The following PIK3R4 variants were observed in gnomAD, a reference collection of about 807,000 sequenced individuals.
PIK3R4 encodes phosphoinositide 3-kinase regulatory subunit 4.
A neutral mutation model predicts 136.5 loss-of-function variants in PIK3R4; 46 were observed. The observed-to-expected ratio is 0.34, with a 90% CI of 0.27 to 0.43. The LOEUF is 0.43. Among genes scored for constraint, PIK3R4 ranks in the 20% least tolerant of loss-of-function variants. The pLI, the probability that PIK3R4 is intolerant of heterozygous loss-of-function variation, is 1.00. For synonymous variants in PIK3R4, 557 were observed against 566.7 expected, an observed-to-expected ratio of 0.98 and a Z score of 0.24; for missense variants, 1,331 against 1,649.5, an observed-to-expected ratio of 0.81 and a Z score of 3.35.
At chr3:130,686,138 T>A in intron 15 of PIK3R4, 73 bp downstream of exon 15, 2 of 870,306 alleles carry the variant, frequency 2.3e-6, no homozygotes, top group South Asian at 1.5e-5. Flanking sequence ...AGGAAAAAAC[T>A]GATTTCACAA....
At chr3:130,737,591 CAG>C (rs1446418072) in intron 2 of PIK3R4, among the ~76,000 whole-genome samples, 3 of 152,084 alleles carry the variant, frequency 2.0e-5, no homozygotes, top group Non-Finnish European at 2.9e-5. Flanking sequence ...ACCTGGGAGG[CAG>C]AGTTTGCAGT....
rs763720763 is a variant in PIK3R4, at chr3:130,690,658, A to C, written c.3099-4T>G. The C allele has an allele frequency of 1.3e-5, 20 of 1,573,604 alleles. No individual in the cohort carries two copies. Among genetic ancestry groups the C allele is most frequent in the African/African-American group, 2.7e-5 (2 of 73,378 alleles). On this transcript the variant is annotated splice_polypyrimidine_tract_variant and splice_region_variant and intron_variant, in intron 13 of 19. Coordinates refer to ENST00000356763, the MANE Select transcript of PIK3R4 (RefSeq NM_014602.3). ...TCGGCTGTATGTAAGAATAGATCTG[A>C]ATGAAAGAAAAATAAAATTCATTTA...
chr3:130,703,820 C>T lies in PIK3R4; in HGVS notation c.3001G>A (p.Val1001Ile). The change falls in exon 13 of 20, where the codon GTC becomes ATC. Residue 1001 changes from valine to isoleucine, a missense_variant. Physicochemically the swap from Val to Ile is conservative, Grantham distance 29. Around this residue, in one of 2 missense-constraint regions of PIK3R4, gnomAD observed 1,180 missense variants for 1,407.0 expected, o/e 0.84. Coordinates refer to ENST00000356763, the MANE Select transcript of PIK3R4 (RefSeq NM_014602.3). ...EHKSAVNRIR[V>I]SDEHSLFATC... ...GCAAAAAGTGAGTGTTCATCAGAGA[C>T]TCTAATTCGATTCACAGCAGATTTA... 6.2e-7 allele frequency: 1 copy of T among 1,612,396 alleles called. No individual in the cohort carries two copies. Among genetic ancestry groups the T allele is most frequent in the Non-Finnish European group, 8.5e-7 (1 of 1,178,456 alleles).
chr3:130,679,050 ATATTTTAC>A lies in PIK3R4; in HGVS notation c.*257_*264del, dbSNP rs2066436705. ...ATACAAAATAAACATATTCATTTTC[ATATTTTAC>A]ATTTCTCACCTCTATAACATATACA... On this transcript the variant is annotated 3_prime_UTR_variant, in exon 20 of 20. Transcript: ENST00000356763. The A allele has an allele frequency of 4.7e-6, 1 of 212,630 alleles. No homozygotes were observed. Among genetic ancestry groups the A allele is most frequent in the Non-Finnish European group, 9.2e-6 (1 of 108,328 alleles). The allele number at this position is 212,630 out of a possible 1,614,324, so 13.2% of individuals were successfully genotyped here.
At position 130,733,689 on chromosome 3, in the gene PIK3R4, C is replaced by A. The variant is rs1172864100; in HGVS notation, c.1309G>T (p.Ala437Ser). Residue 437 changes from alanine to serine, a missense_variant, in exon 4 of 20, where the codon GCC becomes TCC. Around this residue, in one of 2 missense-constraint regions of PIK3R4, gnomAD observed 1,180 missense variants for 1,407.0 expected, o/e 0.84. Transcript: ENST00000356763. ...AGAACTTTGGTCAACGTCCTCAAGG[C>A]TTCAGCCCTCACCCTAGGAACAGAG... ...NDSVPRVRAE[A>S]LRTLTKVLAL... 3 of 1,613,988 alleles carry A rather than the reference C, an allele frequency of 1.9e-6. No homozygotes were observed. The highest frequency in any genetic ancestry group is 2.5e-6 in the Non-Finnish European group (3 of 1,179,948).
chr3:130,709,125 T>G (rs1305134735), intron 9 of PIK3R4, among the ~76,000 whole-genome samples: 2 of 152,158 alleles, frequency 1.3e-5, no homozygotes, highest in African/African-American at 4.8e-5. Flanking sequence ...TGCACCTCTA[T>G]TTAGCTATAA....
intron 17 of PIK3R4, 150 bp downstream of exon 17, chr3:130,681,341 A>G: frequency 1.6e-6 from 1 of 644,294 alleles, no homozygotes; most frequent in Non-Finnish European, 2.8e-6. Flanking sequence ...ACACTCATGT[A>G]GCAATGGCCA....
In PIK3R4 at chr3:130,723,418, A is replaced by C. The variant is rs564110928; in HGVS notation, c.1977T>G (p.Asp659Glu). The change falls in exon 7 of 20, where the codon GAT becomes GAG. Residue 659 changes from aspartate to glutamate, a missense_variant. Asp to Glu is a conservative substitution (Grantham distance 45, BLOSUM62 2). Coordinates refer to ENST00000356763, the MANE Select transcript of PIK3R4 (RefSeq NM_014602.3). ...QKPHVYEFAS[D>E]IAPFLCHPNL... ...TTTTGAGAAACAGAAACTTACCAAT[A>C]TCACTGGCAAATTCGTAAACATGGG... is the stretch of plus-strand genomic sequence containing the variant. 1.7e-5 allele frequency: 27 copies of C among 1,599,494 alleles called. No homozygotes were observed. The East Asian group carries it at 5.8e-4, about 35-fold the overall frequency.
rs2066610808 is a variant in PIK3R4, at chr3:130,707,239, T to C, written c.2534-104A>G. 9.9e-6 allele frequency: 6 copies of C among 605,214 alleles called. 1 individual carries two copies. Among genetic ancestry groups the C allele is most frequent in the African/African-American group, 7.5e-5 (4 of 52,994 alleles). The allele number at this position is 605,214 out of a possible 1,614,324, so 37.5% of individuals were successfully genotyped here. A position where few individuals can be genotyped will look rare whatever the true frequency, so the allele number is the denominator to read the frequency against. ...ACAGTAGAGGAGGCAGGGATAGCAA[T>C]ACACTTCATATTCTATTTGTTCCTT... On this transcript the variant is annotated intron_variant, in intron 10 of 19. Coordinates refer to ENST00000356763, the MANE Select transcript of PIK3R4 (RefSeq NM_014602.3).
chr3:130,697,627 T>C (rs2066553512), intron 13 of PIK3R4, among the ~76,000 whole-genome samples: 1 of 152,150 alleles, frequency 6.6e-6, no homozygotes, highest in Non-Finnish European at 1.5e-5. Flanking sequence ...TTTGCTCTAA[T>C]ATGTCTCTTC....
intron 16 of PIK3R4, among the ~76,000 whole-genome samples, chr3:130,681,900 G>C (rs567905346): frequency 6.6e-6 from 1 of 152,160 alleles, no homozygotes; most frequent in Non-Finnish European, 1.5e-5. Context: ...TTCTGAAGCA[G>C]GAGTGTGCTT....
intron 13 of PIK3R4, among the ~76,000 whole-genome samples, chr3:130,693,070 T>A (rs1054231872): frequency 6.6e-6 from 1 of 152,208 alleles, no homozygotes; most frequent in African/African-American, 2.4e-5. Flanking sequence ...ATACTTAATA[T>A]AAATGAAATC....
At chr3:130,713,465 A>C (rs955301560) in intron 9 of PIK3R4, among the ~76,000 whole-genome samples, 15 of 152,174 alleles carry the variant, frequency 9.9e-5, no homozygotes, top group African/African-American at 3.6e-4. Flanking sequence ...CTGGCATTGA[A>C]GGAGCAGTAG....
At chr3:130,680,887 T>C in intron 18 of PIK3R4, 90 bp downstream of exon 18, 1 of 782,354 alleles carries the variant, frequency 1.3e-6, no homozygotes, top group South Asian at 1.7e-5. Context: ...GCTGTCCTTA[T>C]AAGATGATTT....
chr3:130,690,787 G>A (rs17692351), intron 13 of PIK3R4, 133 bp from the exon 14 acceptor site: 118,854 of 547,134 alleles, frequency 0.22, 13,954 homozygotes, highest in Admixed American at 0.34. Flanking sequence ...ACAAAAACAA[G>A]AATTTCCTCT....
chr3:130,730,312 G>A lies in PIK3R4; in HGVS notation c.1581C>T (p.Asp527=). The A allele has an allele frequency of 3.2e-6, 5 of 1,584,170 alleles. No individual in the cohort carries two copies. Among genetic ancestry groups the A allele is most frequent in the Non-Finnish European group, 3.4e-6 (4 of 1,167,826 alleles). ...DEVTHPNGNY[D]TELQALHEMV... is the part of the protein sequence containing the mutation. Reference sequence around the variant, plus strand: ...TGGAAGAGAAAATTATACAACCTGTGTCATAATTTCCATTTGGATGTGTAA... The same window carrying A: ...TGGAAGAGAAAATTATACAACCTGTATCATAATTTCCATTTGGATGTGTAA... The change falls in exon 5 of 20, where the codon GAC becomes GAT. Residue 527 remains aspartate, a synonymous_variant. Coordinates refer to ENST00000356763, the MANE Select transcript of PIK3R4 (RefSeq NM_014602.3).
At chr3:130,713,932 A>C (rs559223872) in intron 9 of PIK3R4, among the ~76,000 whole-genome samples, 14 of 152,248 alleles carry the variant, frequency 9.2e-5, no homozygotes, top group African/African-American at 3.4e-4. Context: ...TCAGCCTCCC[A>C]AAGTGCTGAG....
At chr3:130,710,460 T>C (rs1415408356) in intron 9 of PIK3R4, among the ~76,000 whole-genome samples, 1 of 152,094 alleles carries the variant, frequency 6.6e-6, no homozygotes, top group African/African-American at 2.4e-5. Flanking sequence ...AAAAAATTAA[T>C]AGCAAAAATC....
chr3:130,695,715 G>C (rs1291566781), intron 13 of PIK3R4, among the ~76,000 whole-genome samples: 3 of 152,072 alleles, frequency 2.0e-5, no homozygotes, highest in Admixed American at 1.3e-4. Context: ...TAGTGTTGTT[G>C]ATCTCTTACT....
Sources: gnomAD v4.1 joint callset for allele counts (sites outside exome capture counted in the v4.1 genomes callset) on GRCh38, gnomAD v4.1.1 for gene constraint, gnomAD v4.1.1 regional missense constraint, MANE v1.5 for transcripts, NCBI Gene and HGNC (gene_info 2026-07-23, HGNC 2026-07-21) for gene names.